The following MICU2 variants were observed in gnomAD, a reference collection of about 807,000 sequenced individuals.
MICU2 encodes the protein mitochondrial calcium uptake 2, also known as calcium uptake protein 2, mitochondrial.
MICU2 carries 64 observed loss-of-function variants against 60.4 expected under a neutral mutation model. The ratio of observed to expected loss-of-function variants is 1.06; its 90% CI spans 0.87 to 1.31. MICU2 has a LOEUF of 1.31. MICU2 is among the 50% of genes most tolerant of loss of function. MICU2 has a pLI of 0.00. For synonymous variants in MICU2, 201 were observed against 175.0 expected, an observed-to-expected ratio of 1.15 and a Z score of -1.17; for missense variants, 569 against 531.0, an observed-to-expected ratio of 1.07 and a Z score of -0.70.
chr13:21,496,409 C>T, intron 9 of MICU2: 2 of 436,010 alleles, frequency 4.6e-6, no homozygotes, highest in Non-Finnish European at 8.2e-6. Flanking sequence ...GTGCCTTGAT[C>T]TTGGACTCCT....
At chr13:21,567,646 C>T (rs1888016956) in intron 1 of MICU2, among the ~76,000 whole-genome samples, 1 of 152,178 alleles carries the variant, frequency 6.6e-6, no homozygotes. Context: ...GAAGAGTCTG[C>T]ACCTCAGGCA....
chr13:21,594,088 A>G (rs1196623876), intron 1 of MICU2, among the ~76,000 whole-genome samples: 5 of 152,242 alleles, frequency 3.3e-5, no homozygotes, highest in Non-Finnish European at 7.3e-5. Context: ...ATCAGGGTGA[A>G]CAGGCAACTT....
intron 1 of MICU2, among the ~76,000 whole-genome samples, chr13:21,570,878 A>G (rs1888091936): frequency 6.6e-6 from 1 of 152,232 alleles, no homozygotes; most frequent in Non-Finnish European, 1.5e-5. Flanking sequence ...CTGCTAATTT[A>G]TAGCCTAGGG....
chr13:21,495,599 G>A (rs369353800), intron 10 of MICU2: 44 of 305,272 alleles, frequency 1.4e-4, no homozygotes, highest in African/African-American at 6.7e-4. Flanking sequence ...GCAATGGCAC[G>A]ATCTTGACTC....
intron 8 of MICU2, among the ~76,000 whole-genome samples, chr13:21,503,740 T>C (rs1004986012): frequency 7.9e-5 from 12 of 152,364 alleles, no homozygotes; most frequent in African/African-American, 2.4e-4. Flanking sequence ...GATGAAAATA[T>C]ATCTTCTTTG....
At chr13:21,521,162 T>G (rs1886706954) in intron 6 of MICU2, 83 bp downstream of exon 6, 1 of 1,100,826 alleles carries the variant, frequency 9.1e-7, no homozygotes, top group Admixed American at 2.6e-5. Context: ...TGAATACAAT[T>G]TTGATTTTAA....
At chr13:21,586,188 A>C (rs1280212961) in intron 1 of MICU2, among the ~76,000 whole-genome samples, 4 of 152,186 alleles carry the variant, frequency 2.6e-5, no homozygotes, top group Admixed American at 2.6e-4. Flanking sequence ...TACCCGCTCC[A>C]GTAGCAGACT....
rs554895950 is a variant in MICU2, at chr13:21,529,933, C to T, written c.467-7283G>A. Among the ~76,000 whole-genome samples the T allele has an allele frequency of 1.4e-4, 22 of 152,204 alleles. No individual in the cohort carries two copies. The South Asian group carries it at 1.5e-3, about 10-fold the overall frequency. ...GGATCAGGGTTGAGACCCCAATCAGCGTGGGATAAAAGTACAGAGAAGTCT... is the reference window on the plus strand; with the variant it reads ...GGATCAGGGTTGAGACCCCAATCAGTGTGGGATAAAAGTACAGAGAAGTCT... On this transcript the variant is annotated intron_variant, in intron 4 of 11. Coordinates refer to ENST00000382374, the MANE Select transcript of MICU2 (RefSeq NM_152726.3).
At chr13:21,506,236 G>C (rs1272912428) in intron 8 of MICU2, among the ~76,000 whole-genome samples, 2 of 152,010 alleles carry the variant, frequency 1.3e-5, no homozygotes, top group Non-Finnish European at 2.9e-5. Context: ...GGCTGCTGTC[G>C]AAGTCCTGGA....
At chr13:21,569,714 T>G (rs912276594) in intron 1 of MICU2, among the ~76,000 whole-genome samples, 1 of 151,538 alleles carries the variant, frequency 6.6e-6, no homozygotes, top group African/African-American at 2.4e-5. Context: ...TTATTAAGTA[T>G]GTAGTATATG....
chr13:21,502,807 T>C lies in MICU2; in HGVS notation c.933+119A>G, dbSNP rs559214465. 52 of 921,806 alleles carry C rather than the reference T, an allele frequency of 5.6e-5. No homozygotes were observed. In the South Asian group the frequency reaches 7.8e-4, roughly 14 times the overall value. The allele number at this position is 921,806 out of a possible 1,614,324, so 57.1% of individuals were successfully genotyped here. A position where few individuals can be genotyped will look rare whatever the true frequency, so the allele number is the denominator to read the frequency against. ...GAGCATGTAGAGAACATTCCTCAAG[T>C]TGATTTTATATACCATCGAGGGTAG... On this transcript the variant is annotated intron_variant, in intron 9 of 11. Coordinates refer to ENST00000382374, the MANE Select transcript of MICU2 (RefSeq NM_152726.3).
At chr13:21,526,807 T>C (rs528540793) in intron 4 of MICU2, among the ~76,000 whole-genome samples, 5 of 99,338 alleles carry the variant, frequency 5.0e-5, no homozygotes, top group South Asian at 2.9e-4. Flanking sequence ...GAAGCAGCAA[T>C]GGGAAAAAAA....
chr13:21,517,838 A>G (rs977398742), intron 6 of MICU2, among the ~76,000 whole-genome samples: 3 of 151,984 alleles, frequency 2.0e-5, no homozygotes, highest in African/African-American at 7.2e-5. Context: ...ACTTAGGTTT[A>G]CTAATACAAA....
rs753410719 is a variant in MICU2, at chr13:21,509,990, A to G, written c.761+14T>C. On this transcript the variant is annotated intron_variant, in intron 8 of 11. Coordinates refer to ENST00000382374, the MANE Select transcript of MICU2 (RefSeq NM_152726.3). ...ATAAAATTTCCCTAAATGAATGTAA[A>G]TATTTGCATTTACCTTCGAAATTCT... The G allele has an allele frequency of 1.1e-5, 16 of 1,449,900 alleles. No homozygotes were observed. Among genetic ancestry groups the G allele is most frequent in the Non-Finnish European group, 1.3e-5 (14 of 1,073,196 alleles). The allele number at this position is 1,449,900 out of a possible 1,614,324, so 89.8% of individuals were successfully genotyped here. A position where few individuals can be genotyped will look rare whatever the true frequency, so the allele number is the denominator to read the frequency against.
intron 4 of MICU2, among the ~76,000 whole-genome samples, chr13:21,538,075 GGCC>G (rs1887177667): frequency 6.6e-6 from 1 of 151,822 alleles, no homozygotes; most frequent in Non-Finnish European, 1.5e-5. Flanking sequence ...ATATTCTCTT[GGCC>G]TTTTTTCTCT....
At chr13:21,536,788 AATTT>A (rs1393585925) in intron 4 of MICU2, among the ~76,000 whole-genome samples, 3 of 152,252 alleles carry the variant, frequency 2.0e-5, no homozygotes, top group Non-Finnish European at 2.9e-5. Flanking sequence ...AACAATAATT[AATTT>A]ATCACCAATC....
At chr13:21,588,253 T>C (rs903164773) in intron 1 of MICU2, among the ~76,000 whole-genome samples, 6 of 152,214 alleles carry the variant, frequency 3.9e-5, no homozygotes, top group Non-Finnish European at 7.3e-5. Flanking sequence ...AAATGCCTGG[T>C]TGGAATGGAT....
intron 1 of MICU2, among the ~76,000 whole-genome samples, chr13:21,567,874 T>G (rs1161328475): frequency 6.6e-6 from 1 of 152,204 alleles, no homozygotes; most frequent in Non-Finnish European, 1.5e-5. Context: ...CAAAGGGTTT[T>G]AATCTCTTAA....
At chr13:21,577,855 T>G (rs1888260366) in intron 1 of MICU2, among the ~76,000 whole-genome samples, 1 of 143,782 alleles carries the variant, frequency 7.0e-6, no homozygotes, top group African/African-American at 2.6e-5. Flanking sequence ...GGCGCACACC[T>G]ATAGTCCTAG....
Sources: gnomAD v4.1 joint callset for allele counts (sites outside exome capture counted in the v4.1 genomes callset) on GRCh38, gnomAD v4.1.1 for gene constraint, MANE v1.5 for transcripts, NCBI Gene and HGNC (gene_info 2026-07-23, HGNC 2026-07-21) for gene names.